Variants in ZNF106 observed in about 807,000 individuals in gnomAD.
ZNF106 encodes SH3-domain binding protein 3.
In ZNF106, 67 loss-of-function variants were observed where a neutral mutation model predicts 195.1. That is an observed-to-expected ratio of 0.34 (90% CI 0.28 to 0.42). The LOEUF is 0.42. Among genes scored for constraint, ZNF106 ranks in the 10% least tolerant of loss-of-function variants. The pLI is 1.00. For missense variants in ZNF106, 2,118 were observed against 2,304.5 expected, an observed-to-expected ratio of 0.92 and a Z score of 1.66; for synonymous variants, 784 against 818.6, an observed-to-expected ratio of 0.96 and a Z score of 0.72.
At chr15:42,431,133 T>C (rs1030791242) in intron 14 of ZNF106, among the ~76,000 whole-genome samples, 1 of 152,046 alleles carries the variant, frequency 6.6e-6, no homozygotes, top group Non-Finnish European at 1.5e-5. Context: ...AGAAGTATCT[T>C]ATTTTCATCT....
rs761211277 is a variant in ZNF106, at chr15:42,448,628, C to G, written c.2579G>C (p.Ser860Thr). ...LDLDGEPDLS[S>T]LEGFQWEGVS... ...ACCTTCCCACTGGAATCCTTCTAGA[C>G]TGGACAGATCAGGTTCCCCATCCAA... Residue 860 changes from serine to threonine, a missense_variant, in exon 6 of 22, where the codon AGT becomes ACT. Ser to Thr is a moderately conservative substitution (Grantham distance 58). Coordinates refer to ENST00000564754, the MANE Select transcript of ZNF106 (RefSeq NM_001366845.3). 6.2e-7 allele frequency: 1 copy of G among 1,613,826 alleles called. No individual in the cohort carries two copies. Among genetic ancestry groups the G allele is most frequent in the Non-Finnish European group, 8.5e-7 (1 of 1,180,036 alleles).
intron 20 of ZNF106, among the ~76,000 whole-genome samples, chr15:42,419,515 G>A (rs1003543967): frequency 1.4e-4 from 21 of 151,504 alleles, no homozygotes; most frequent in Non-Finnish European, 2.7e-4. Flanking sequence ...CTGCACTCCC[G>A]CCTGAGTAAC....
intron 14 of ZNF106, among the ~76,000 whole-genome samples, chr15:42,434,541 C>T (rs983994550): frequency 1.3e-5 from 2 of 152,142 alleles, no homozygotes; most frequent in African/African-American, 2.4e-5. Flanking sequence ...ATTCCCTCCC[C>T]CTTCTTTATG....
intron 4 of ZNF106, 27 bp downstream of exon 4, chr15:42,456,931 G>A (rs1296103636): frequency 2.9e-5 from 46 of 1,593,888 alleles, no homozygotes; most frequent in Non-Finnish European, 3.7e-5. Flanking sequence ...TTATAGATAG[G>A]CTTTTTTTAA....
chr15:42,438,535 A>C (rs1567006702), intron 12 of ZNF106, 77 bp downstream of exon 12: 8 of 1,244,914 alleles, frequency 6.4e-6, no homozygotes, highest in Non-Finnish European at 9.2e-6. Flanking sequence ...ATATTTAAGT[A>C]GGTTTAAATC....
At chr15:42,448,008 T>C in intron 6 of ZNF106, 64 bp downstream of exon 6, 1 of 1,519,616 alleles carries the variant, frequency 6.6e-7, no homozygotes, top group Non-Finnish European at 8.8e-7. Flanking sequence ...GTTGAACCTT[T>C]TTTCATAAGC....
chr15:42,451,712 T>G lies in ZNF106; in HGVS notation c.560A>C (p.His187Pro), dbSNP rs756508334. Residue 187 changes from histidine (H) to proline (P), a missense_variant, in exon 5 of 22, where the codon CAT (histidine) becomes CCT (proline). Coordinates refer to ENST00000564754, the MANE Select transcript of ZNF106 (RefSeq NM_001366845.3). ...CGAGGAGCCTCCTGCAACACCCTTA[T>G]GCCACCCGGAACGTCCTCTTGGTCC... is the stretch of plus-strand genomic sequence containing the variant. ...GGGPRGRSGW[H>P]KGVAGGSSTW... is the part of the protein sequence containing the mutation. The G allele has an allele frequency of 4.3e-6, 7 of 1,614,092 alleles. No homozygotes were observed. The highest frequency in any genetic ancestry group is 5.9e-6 in the Non-Finnish European group (7 of 1,180,048).
intron 9 of ZNF106, among the ~76,000 whole-genome samples, chr15:42,443,666 G>A (rs1488227170): frequency 6.6e-6 from 1 of 151,910 alleles, no homozygotes; most frequent in Non-Finnish European, 1.5e-5. Flanking sequence ...GGAGGTCAAG[G>A]CTGCAGTGAG....
At chr15:42,443,083 G>C (rs1425149353) in intron 9 of ZNF106, among the ~76,000 whole-genome samples, 2 of 151,998 alleles carry the variant, frequency 1.3e-5, no homozygotes, top group East Asian at 3.9e-4. Flanking sequence ...GCCCAGGCTG[G>C]TCTCAAACTT....
chr15:42,415,651 A>G lies in ZNF106; in HGVS notation c.*1653T>C, dbSNP rs1048422331. 3 of 276,426 alleles carry G rather than the reference A, an allele frequency of 1.1e-5. No individual in the cohort carries two copies. The highest frequency in any genetic ancestry group is 1.5e-5 in the Non-Finnish European group (2 of 137,526). 17.1% of individuals were successfully genotyped at this position (276,426 alleles called of 1,614,324 possible). ...GCGAAGACAGACCTGGATGGTCTGC[A>G]ATCCCAGAGAGCATGAGGCACCATG... On this transcript the variant is annotated 3_prime_UTR_variant, in exon 22 of 22. Transcript: ENST00000564754.
At chr15:42,478,764 G>A (rs188589070) in intron 1 of ZNF106, among the ~76,000 whole-genome samples, 87 of 151,856 alleles carry the variant, frequency 5.7e-4, no homozygotes, top group Admixed American at 9.8e-4. Context: ...TGCCCTCCTT[G>A]GCCTCTGAAA....
At chr15:42,443,115 G>C (rs1366367688) in intron 9 of ZNF106, among the ~76,000 whole-genome samples, 1 of 152,076 alleles carries the variant, frequency 6.6e-6, no homozygotes, top group South Asian at 2.1e-4. Flanking sequence ...GAATCCACCT[G>C]CCTCAGACTC....
rs750172155 is a variant in ZNF106, at chr15:42,428,089, A to C, written c.4927T>G (p.Cys1643Gly). ...AGGATTCGCCATCTACTGTGGAGGCAGAGGACCCGGTCTTCCAGCTGTAAC... is the reference window on the plus strand; with the variant it reads ...AGGATTCGCCATCTACTGTGGAGGCCGAGGACCCGGTCTTCCAGCTGTAAC... ...EQLQLEDRVL[C>G]LHSRWRILYA... The change falls in exon 15 of 22, where the codon TGC becomes GGC. Residue 1643 changes from cysteine (C) to glycine (G), a missense_variant. Coordinates refer to ENST00000564754, the MANE Select transcript of ZNF106 (RefSeq NM_001366845.3). 6.2e-7 allele frequency: 1 copy of C among 1,614,188 alleles called. No homozygotes were observed. Among genetic ancestry groups the C allele is most frequent in the African/African-American group, 1.3e-5 (1 of 75,044 alleles).
intron 20 of ZNF106, among the ~76,000 whole-genome samples, chr15:42,418,271 T>A (rs1297793029): frequency 1.3e-5 from 2 of 152,214 alleles, no homozygotes; most frequent in Non-Finnish European, 2.9e-5. Context: ...AAACTGTATT[T>A]TTTGATGTTG....
intron 14 of ZNF106, among the ~76,000 whole-genome samples, chr15:42,433,491 C>CT (rs1249009364): frequency 3.7e-4 from 41 of 111,962 alleles, no homozygotes; most frequent in African/African-American, 6.4e-4. Flanking sequence ...TTTTTCTTTT[C>CT]TTTTTTTTTT....
In ZNF106 at chr15:42,421,915, A is replaced by G; in HGVS notation, c.5445+2T>C. 1 of 1,545,046 alleles carries G rather than the reference A, an allele frequency of 6.5e-7. No individual in the cohort carries two copies. Reference sequence around the variant, plus strand: ...ATATCTTACATGACAAATAACACTCACCATGCTTTTATGGATGGTCATACA... The same window carrying G: ...ATATCTTACATGACAAATAACACTCGCCATGCTTTTATGGATGGTCATACA... On this transcript the variant is annotated splice_donor_variant, in intron 19 of 21. Coordinates refer to ENST00000564754, the MANE Select transcript of ZNF106 (RefSeq NM_001366845.3). LOFTEE classifies it high-confidence loss of function.
At chr15:42,424,528 C>T in intron 16 of ZNF106, 2 of 321,782 alleles carry the variant, frequency 6.2e-6, no homozygotes, top group Non-Finnish European at 1.1e-5. Context: ...CTCTGTTGCC[C>T]ATGCTAGAGT....
intron 1 of ZNF106, among the ~76,000 whole-genome samples, chr15:42,487,964 G>A (rs151308319): frequency 0.01 from 1,549 of 152,234 alleles, 15 homozygotes; most frequent in Middle Eastern, 0.027. Flanking sequence ...ACCCTTATAT[G>A]AAATGGCACA....
At chr15:42,475,679 C>A (rs1195729956) in intron 1 of ZNF106, among the ~76,000 whole-genome samples, 1 of 152,130 alleles carries the variant, frequency 6.6e-6, no homozygotes, top group Middle Eastern at 3.2e-3. Flanking sequence ...ACATCTACTT[C>A]AACTTTAATT....
Sources: gnomAD v4.1 joint callset for allele counts (sites outside exome capture counted in the v4.1 genomes callset) on GRCh38, gnomAD v4.1.1 for gene constraint, MANE v1.5 for transcripts, NCBI Gene and HGNC (gene_info 2026-07-23, HGNC 2026-07-21) for gene names.